Variants in RNF220 observed in about 807,000 individuals in gnomAD.
RNF220 encodes E3 ubiquitin-protein ligase RNF220.
Under a neutral mutation model 67.1 loss-of-function variants are expected in RNF220, and 7 were observed. That is an observed-to-expected ratio of 0.10 (90% CI 0.06 to 0.20). The LOEUF is 0.20. Among genes scored for constraint, RNF220 ranks in the 10% least tolerant of loss-of-function variants. The pLI is 1.00. For missense variants in RNF220, 565 were observed against 740.3 expected (o/e 0.76, Z 2.75); for synonymous variants, 270 against 283.2 (o/e 0.95, Z 0.47).
chr1:44,412,612 GC>G lies in RNF220; in HGVS notation c.516del (p.Ser173ProfsTer5). 6.2e-7 allele frequency: 1 copy of G among 1,614,168 alleles called. No homozygotes were observed. The highest frequency in any genetic ancestry group is 1.3e-5 in the African/African-American group (1 of 75,040). ...GACTTTGGGACACAGCTGCCATCTAGCTCCCCCGGTTCACTAAAGGTTGATG... is the reference window on the plus strand; with the variant it reads ...GACTTTGGGACACAGCTGCCATCTAGTCCCCCGGTTCACTAAAGGTTGATG... The part of the protein sequence containing the change: ...EYDFGTQLPS[S>X]SPGSLKVDDT... On this transcript the variant is annotated frameshift_variant, in exon 2 of 15. Coordinates refer to ENST00000361799, the MANE Select transcript of RNF220 (RefSeq NM_018150.4). LOFTEE classifies it high-confidence loss of function. The surrounding 1 kb of genome is among the most constrained non-coding windows in gnomAD (Gnocchi z 5.3).
chr1:44,597,279 G>T (rs1666565468), intron 2 of RNF220, among the ~76,000 whole-genome samples: 1 of 152,132 alleles, frequency 6.6e-6, no homozygotes, highest in Non-Finnish European at 1.5e-5. Flanking sequence ...TTTGGTGAAT[G>T]AATGGATAAA....
At chr1:44,567,362 G>C (rs930085245) in intron 2 of RNF220, among the ~76,000 whole-genome samples, 2 of 152,118 alleles carry the variant, frequency 1.3e-5, no homozygotes, top group African/African-American at 4.8e-5. Context: ...AGCTGTGTAT[G>C]ATCCTGGGAC....
intron 2 of RNF220, among the ~76,000 whole-genome samples, chr1:44,574,162 T>C (rs545982525): frequency 1.3e-5 from 2 of 152,254 alleles, no homozygotes; most frequent in Admixed American, 1.3e-4. Flanking sequence ...AATGAACGAA[T>C]GAATGAATAA....
intron 2 of RNF220, among the ~76,000 whole-genome samples, chr1:44,549,054 A>G (rs270702): frequency 0.99 from 151,086 of 152,260 alleles, 74,967 homozygotes; most frequent in Middle Eastern, 1. Context: ...AGGTATGGTG[A>G]CACATGCCTA....
chr1:44,629,697 T>G (rs1222668718), intron 5 of RNF220, among the ~76,000 whole-genome samples: 3 of 151,738 alleles, frequency 2.0e-5, no homozygotes, highest in Non-Finnish European at 2.9e-5. Context: ...ATAAAAAAAA[T>G]TAATAATAAA....
rs1003866221 is a variant in RNF220 at position 44,589,410 on chromosome 1, C to T, written c.626-24755C>T. Reference sequence around the variant, plus strand: ...TGGGCGGATCATGAGGTCAGGAGATCGAGACCATCCTGGCTAACATGGTGA... The same window carrying T: ...TGGGCGGATCATGAGGTCAGGAGATTGAGACCATCCTGGCTAACATGGTGA... On this transcript the variant is annotated intron_variant, in intron 2 of 14. Coordinates refer to ENST00000361799, the MANE Select transcript of RNF220 (RefSeq NM_018150.4). Among the ~76,000 whole-genome samples the T allele has an allele frequency of 3.5e-4, 53 of 152,040 alleles. 1 individual carries two copies. The highest frequency in any genetic ancestry group is 1.1e-3 in the African/African-American group (47 of 41,398).
intron 3 of RNF220, among the ~76,000 whole-genome samples, chr1:44,618,197 G>A (rs1573064814): frequency 1.3e-5 from 2 of 152,166 alleles, no homozygotes; most frequent in East Asian, 1.9e-4. Flanking sequence ...ACACACTCAC[G>A]GGCTCACAGA....
At chr1:44,463,833 T>C (rs192975210) in intron 2 of RNF220, among the ~76,000 whole-genome samples, 1 of 152,346 alleles carries the variant, frequency 6.6e-6, no homozygotes, top group East Asian at 1.9e-4. Flanking sequence ...TTAATCTTCC[T>C]GAGCCTCCTC....
At chr1:44,543,447 A>G (rs372248175) in intron 2 of RNF220, among the ~76,000 whole-genome samples, 5 of 152,116 alleles carry the variant, frequency 3.3e-5, no homozygotes, top group African/African-American at 1.2e-4. Context: ...AGTCTTCCCC[A>G]TGGCTTACCG....
At chr1:44,411,636 C>T (rs1557897961) in intron 1 of RNF220, among the ~76,000 whole-genome samples, 1 of 152,130 alleles carries the variant, frequency 6.6e-6, no homozygotes, top group Non-Finnish European at 1.5e-5. Flanking sequence ...AACATAGACC[C>T]CCACTTAATC....
chr1:44,419,396 G>T (rs1376739683), intron 2 of RNF220: 2 of 152,166 alleles, frequency 1.3e-5, no homozygotes, highest in African/African-American at 4.8e-5. Flanking sequence ...GAAATGATAG[G>T]CTGTAGTATG....
At position 44,645,096 on chromosome 1, in the gene RNF220, A is replaced by G. The variant is rs944811808; in HGVS notation, c.1310+15A>G. ...GCAGTCCTAAAGCAAGTGTGGGCAC[A>G]GGCTTGGGCGGGTGGAGCAGAGAAA... On this transcript the variant is annotated intron_variant, in intron 10 of 14. Coordinates refer to ENST00000361799, the MANE Select transcript of RNF220 (RefSeq NM_018150.4). The surrounding 1 kb of genome is among the most constrained non-coding windows in gnomAD (Gnocchi z 5.0). 1 of 1,613,974 alleles carries G rather than the reference A, an allele frequency of 6.2e-7. No individual in the cohort carries two copies. The highest frequency in any genetic ancestry group is 1.3e-5 in the African/African-American group (1 of 75,038).
In RNF220 at chr1:44,622,618, G is replaced by C; in HGVS notation, c.759-124G>C. ...GGATTGAAAGGACTGGGTGGAGCTTGGCTGAGCTGGGCTGGGCTAGGCGGT... is the reference window on the plus strand; with the variant it reads ...GGATTGAAAGGACTGGGTGGAGCTTCGCTGAGCTGGGCTGGGCTAGGCGGT... On this transcript the variant is annotated intron_variant, in intron 3 of 14. Coordinates refer to ENST00000361799, the MANE Select transcript of RNF220 (RefSeq NM_018150.4). This position sits in a 1 kb window ranked among gnomAD's most constrained non-coding sequence, Gnocchi z 4.3. 1.3e-6 allele frequency: 1 copy of C among 781,422 alleles called. No homozygotes were observed. The highest frequency in any genetic ancestry group is 2.2e-6 in the Non-Finnish European group (1 of 457,562). 48.4% of individuals were successfully genotyped at this position (781,422 alleles called of 1,614,324 possible). A position where few individuals can be genotyped will look rare whatever the true frequency, so the allele number is the denominator to read the frequency against.
intron 2 of RNF220, among the ~76,000 whole-genome samples, chr1:44,515,920 T>TA (rs1406814205): frequency 6.6e-6 from 1 of 152,204 alleles, no homozygotes; most frequent in East Asian, 1.9e-4. Flanking sequence ...GGACCTGAAA[T>TA]AAATGACTTG....
chr1:44,457,024 A>G (rs1345190481), intron 2 of RNF220, among the ~76,000 whole-genome samples: 5 of 151,880 alleles, frequency 3.3e-5, no homozygotes, highest in Non-Finnish European at 7.4e-5. Context: ...AGTCTTGCCC[A>G]GTTACACCCA....
intron 2 of RNF220, among the ~76,000 whole-genome samples, chr1:44,597,811 C>T (rs942830039): frequency 7.9e-5 from 12 of 152,148 alleles, no homozygotes; most frequent in African/African-American, 2.7e-4. Flanking sequence ...CTCTTTCTCT[C>T]ATGTACACGC....
chr1:44,448,057 G>A (rs1572532666), intron 2 of RNF220, among the ~76,000 whole-genome samples: 1 of 152,220 alleles, frequency 6.6e-6, no homozygotes. Context: ...CCAGCACTTT[G>A]GGAGGCCAAG....
intron 2 of RNF220, among the ~76,000 whole-genome samples, chr1:44,446,245 G>A (rs75529215): frequency 0.033 from 4,957 of 152,248 alleles, 118 homozygotes; most frequent in African/African-American, 0.063. Context: ...AAGAACAAAC[G>A]TAATGTTTTA....
chr1:44,639,693 C>T (rs1419092088), intron 8 of RNF220, among the ~76,000 whole-genome samples: 3 of 152,204 alleles, frequency 2.0e-5, no homozygotes, highest in African/African-American at 7.2e-5. Context: ...ACATTTAAGC[C>T]GGTTCCAAGT....
Sources: gnomAD v4.1 joint callset for allele counts (sites outside exome capture counted in the v4.1 genomes callset) on GRCh38, gnomAD v4.1.1 for gene constraint, Gnocchi (gnomAD v3.1) non-coding constraint, MANE v1.5 for transcripts, NCBI Gene and HGNC (gene_info 2026-07-23, HGNC 2026-07-21) for gene names.